Variants in XYLT1 observed in about 807,000 individuals in gnomAD.
The protein encoded by XYLT1 is beta-D-xylosyltransferase 1.
A neutral mutation model predicts 91.3 loss-of-function variants in XYLT1; 36 were observed. The ratio of observed to expected loss-of-function variants is 0.39; its 90% confidence interval spans 0.30 to 0.52. The LOEUF (loss-of-function observed/expected upper bound fraction) is 0.52. Ranked by LOEUF, XYLT1 falls within the 20% of genes least tolerant of loss-of-function variation. The pLI, the probability that XYLT1 is intolerant of heterozygous loss-of-function variation, is 0.68. For synonymous variants in XYLT1, 588 were observed against 532.0 expected (o/e 1.11, Z -1.45); for missense variants, 1,242 against 1,284.5 (o/e 0.97, Z 0.51).
chr16:17,402,135 CAAA>C (rs559973657), intron 1 of XYLT1, among the ~76,000 whole-genome samples: 1 of 138,170 alleles, frequency 7.2e-6, no homozygotes, highest in Non-Finnish European at 1.5e-5. Flanking sequence ...CCTGTTTCTA[CAAA>C]AAAAAAAAAC....
chr16:17,336,253 A>G (rs531429130), intron 2 of XYLT1, among the ~76,000 whole-genome samples: 2 of 152,370 alleles, frequency 1.3e-5, no homozygotes, highest in South Asian at 4.1e-4. Flanking sequence ...GGTCTGCAAC[A>G]ATAGTGTTTT....
chr16:17,443,823 T>A lies in XYLT1; in HGVS notation c.363+26611A>T, dbSNP rs117423552. ...AACTGCTTTGCACTTTGTCATCATA[T>A]CTAGACTAGAGGGTTTTCTTTTTGA... On this transcript the variant is annotated intron_variant, in intron 1 of 11. Transcript: ENST00000261381. Among the ~76,000 whole-genome samples the A allele has an allele frequency of 3.8e-3, 576 of 152,310 alleles. 12 individuals carry two copies. In the East Asian group the frequency reaches 0.066, roughly 18 times the overall value.
At chr16:17,448,516 T>C (rs1274997886) in intron 1 of XYLT1, among the ~76,000 whole-genome samples, 1 of 152,178 alleles carries the variant, frequency 6.6e-6, no homozygotes, top group Non-Finnish European at 1.5e-5. Flanking sequence ...GCTATGTGAC[T>C]GACCGCAGGC....
chr16:17,376,521 T>C (rs1201652215), intron 1 of XYLT1, among the ~76,000 whole-genome samples: 1 of 152,156 alleles, frequency 6.6e-6, no homozygotes, highest in African/African-American at 2.4e-5. Context: ...GTGACTTGTC[T>C]TTTCTGTTAA....
chr16:17,375,343 TC>T (rs1040475642), intron 1 of XYLT1, among the ~76,000 whole-genome samples: 3 of 148,802 alleles, frequency 2.0e-5, no homozygotes, highest in Non-Finnish European at 3.0e-5. Flanking sequence ...TCACCCAAAA[TC>T]CCCCAGCCAA....
Position 17,184,298 on chromosome 16 carries a change from G to A in XYLT1, c.1289+13914C>T, listed in dbSNP as rs1014569866. 5.4e-5 allele frequency among the ~76,000 whole-genome samples: 8 copies of A among 149,378 alleles called. No individual in the cohort carries two copies. In the East Asian group the frequency reaches 1.6e-3, roughly 29 times the overall value. On this transcript the variant is annotated intron_variant, in intron 5 of 11. Coordinates refer to ENST00000261381, the MANE Select transcript of XYLT1 (RefSeq NM_022166.4). ...GACACATAGAGAGCCGCTGCCAAGA[G>A]GAAGGAGAATTGTGAGATCTGGAGA...
At chr16:17,260,686 T>A (rs971696708) in intron 2 of XYLT1, among the ~76,000 whole-genome samples, 5 of 152,236 alleles carry the variant, frequency 3.3e-5, no homozygotes, top group African/African-American at 1.2e-4. Context: ...AATAAAGTTT[T>A]ATTGAAACAC....
At chr16:17,381,650 C>T (rs1288900324) in intron 1 of XYLT1, among the ~76,000 whole-genome samples, 1 of 152,080 alleles carries the variant, frequency 6.6e-6, no homozygotes, top group Non-Finnish European at 1.5e-5. Context: ...TGGTCTTGAA[C>T]TCCTGACCTC....
At chr16:17,364,420 C>T (rs2035422743) in intron 1 of XYLT1, among the ~76,000 whole-genome samples, 3 of 152,130 alleles carry the variant, frequency 2.0e-5, no homozygotes, top group Non-Finnish European at 2.9e-5. Context: ...CATGAGTTGT[C>T]GTGAACATTA....
chr16:17,379,747 TCTCTCTC>T (rs2035648345), intron 1 of XYLT1, among the ~76,000 whole-genome samples: 3 of 133,436 alleles, frequency 2.2e-5, no homozygotes, highest in Admixed American at 2.2e-4. Context: ...TCTCTCTCTC[TCTCTCTC>T]TCTCTCTCTC....
At chr16:17,215,463 T>G (rs1274319158) in intron 3 of XYLT1, among the ~76,000 whole-genome samples, 1 of 152,208 alleles carries the variant, frequency 6.6e-6, no homozygotes, top group African/African-American at 2.4e-5. Flanking sequence ...GAGGTCACAG[T>G]GAGAAGTCGG....
chr16:17,422,767 C>G (rs746508556), intron 1 of XYLT1, among the ~76,000 whole-genome samples: 13 of 152,224 alleles, frequency 8.5e-5, no homozygotes, highest in Non-Finnish European at 1.5e-4. Flanking sequence ...CCGCCCACCT[C>G]AGCCTCCCAA....
At chr16:17,188,727 G>C (rs1385967652) in intron 5 of XYLT1, among the ~76,000 whole-genome samples, 1 of 152,090 alleles carries the variant, frequency 6.6e-6, no homozygotes, top group African/African-American at 2.4e-5. Context: ...TAATAACCAT[G>C]GCTATCACAT....
In XYLT1 at chr16:17,470,545, G is replaced by A. The variant is rs1314662241; in HGVS notation, c.252C>T (p.Gly84=). Residue 84 remains glycine (G), a synonymous_variant, in exon 1 of 12, where the codon GGC becomes GGT. Transcript: ENST00000261381. ...PAAARGGGGG[G]GGGGGGRGPQ... Reference sequence around the variant, plus strand: ...GCCCCCGTCCTCCTCCTCCTCCGCCGCCGCCTCCTCCTCCTCCTCGGGCTG... The same window carrying A: ...GCCCCCGTCCTCCTCCTCCTCCGCCACCGCCTCCTCCTCCTCCTCGGGCTG... The A allele has an allele frequency of 2.5e-6, 3 of 1,222,506 alleles. No homozygotes were observed. Among genetic ancestry groups the A allele is most frequent in the Non-Finnish European group, 3.1e-6 (3 of 982,492 alleles). The allele number at this position is 1,222,506 out of a possible 1,614,324, so 75.7% of individuals were successfully genotyped here.
intron 1 of XYLT1, among the ~76,000 whole-genome samples, chr16:17,396,732 G>A (rs1437676837): frequency 3.3e-5 from 5 of 152,102 alleles, no homozygotes; most frequent in Non-Finnish European, 5.9e-5. Context: ...TTAGCCGGGC[G>A]TGGTGGCAGG....
At chr16:17,411,586 A>T (rs1252497678) in intron 1 of XYLT1, among the ~76,000 whole-genome samples, 1 of 152,232 alleles carries the variant, frequency 6.6e-6, no homozygotes, top group Non-Finnish European at 1.5e-5. Context: ...TGAATTGAGA[A>T]CAATCACTTC....
chr16:17,458,105 G>A (rs1465146844), intron 1 of XYLT1, among the ~76,000 whole-genome samples: 1 of 152,206 alleles, frequency 6.6e-6, no homozygotes, highest in East Asian at 1.9e-4. Flanking sequence ...CTGGTTGAGA[G>A]CTGAGACTCT....
At chr16:17,121,827 TATG>T (rs1383259256) in intron 10 of XYLT1, among the ~76,000 whole-genome samples, 1 of 152,194 alleles carries the variant, frequency 6.6e-6, no homozygotes, top group African/African-American at 2.4e-5. Context: ...AGCTCCCTCT[TATG>T]AGTGAGAACA....
chr16:17,242,192 T>C (rs2033355135), intron 3 of XYLT1, among the ~76,000 whole-genome samples: 1 of 152,198 alleles, frequency 6.6e-6, no homozygotes, highest in Admixed American at 6.5e-5. Flanking sequence ...CCAAACCATA[T>C]GAGCAGGGGT....
Sources: allele counts gnomAD v4.1 joint callset (sites outside exome capture counted in the v4.1 genomes callset), GRCh38; gene constraint gnomAD v4.1.1; transcripts MANE v1.5; gene names NCBI Gene and HGNC (gene_info 2026-07-23, HGNC 2026-07-21).